Variants in CERT1 observed in about 807,000 individuals in gnomAD.
The protein encoded by CERT1 is ceramide transporter 1, also known as ceramide transfer protein.
A neutral mutation model predicts 87.9 loss-of-function variants in CERT1; 31 were observed. That is an observed-to-expected ratio of 0.35 (90% CI 0.27 to 0.48). CERT1 has a LOEUF of 0.48. CERT1 is among the 20% of genes least tolerant of loss of function. The pLI, the probability that CERT1 is intolerant of heterozygous loss-of-function variation, is 0.99. For missense variants in CERT1, 487 were observed against 758.0 expected (o/e 0.64, Z 4.20); for synonymous variants, 289 against 250.9 (o/e 1.15, Z -1.44).
chr5:75,430,037 G>A (rs73763100), intron 3 of CERT1, among the ~76,000 whole-genome samples: 11,956 of 150,694 alleles, frequency 0.079, 568 homozygotes, highest in South Asian at 0.17. Context: ...AAAAAAAAAA[G>A]AAAGAGGATG....
At chr5:75,386,971 G>A (rs879745971) in intron 12 of CERT1, among the ~76,000 whole-genome samples, 9 of 152,128 alleles carry the variant, frequency 5.9e-5, no homozygotes, top group Non-Finnish European at 1.3e-4. Context: ...AGGTTCAAGC[G>A]ATTCTCCTGT....
intron 3 of CERT1, among the ~76,000 whole-genome samples, chr5:75,456,946 GA>G (rs1318021353): frequency 2.6e-5 from 4 of 151,992 alleles, no homozygotes; most frequent in Non-Finnish European, 4.4e-5. Context: ...ACTTAACAGA[GA>G]AAAGTGAGCA....
intron 7 of CERT1, among the ~76,000 whole-genome samples, chr5:75,414,426 A>G (rs1329515358): frequency 6.6e-6 from 1 of 152,230 alleles, no homozygotes; most frequent in Non-Finnish European, 1.5e-5. Flanking sequence ...TGAATAAAAC[A>G]AAAATGCACA....
downstream of CERT1, chr5:75,376,743 A>G (rs1054915026): frequency 5.3e-5 from 8 of 152,332 alleles, no homozygotes; most frequent in African/African-American, 1.9e-4. Context: ...AACCTATTTA[A>G]TATTTTCAAA....
intron 2 of CERT1, among the ~76,000 whole-genome samples, chr5:75,499,771 T>A (rs1767257208): frequency 1.3e-5 from 2 of 152,182 alleles, no homozygotes; most frequent in Admixed American, 1.3e-4. Context: ...GCACCACATA[T>A]ACAATTTTCT....
intron 8 of CERT1, among the ~76,000 whole-genome samples, chr5:75,407,176 G>A (rs1031152265): frequency 2.6e-5 from 4 of 152,056 alleles, no homozygotes; most frequent in Non-Finnish European, 5.9e-5. Context: ...AGAGTAAAGT[G>A]CATTTCAAAT....
At chr5:75,439,100 T>C (rs1422749384) in intron 3 of CERT1, among the ~76,000 whole-genome samples, 3 of 151,946 alleles carry the variant, frequency 2.0e-5, no homozygotes, top group African/African-American at 7.2e-5. Context: ...CCTTTATGCT[T>C]TAGACTTTGA....
chr5:75,507,720 A>G (rs980787143), intron 1 of CERT1, among the ~76,000 whole-genome samples: 7 of 152,242 alleles, frequency 4.6e-5, no homozygotes, highest in African/African-American at 1.7e-4. Context: ...ACTATTTTAT[A>G]ACTCATGTGA....
intron 10 of CERT1, 91 bp downstream of exon 10, chr5:75,400,114 G>C (rs142634093): frequency 0.021 from 19,642 of 949,270 alleles, 266 homozygotes; most frequent in Non-Finnish European, 0.027. Flanking sequence ...TCTGGTGACA[G>C]AGTGAGACTC....
In CERT1 at chr5:75,485,575, T is replaced by C. The variant is rs544064853; in HGVS notation, c.231+20407A>G. 3.9e-5 allele frequency among the ~76,000 whole-genome samples: 6 copies of C among 152,048 alleles called. No individual in the cohort carries two copies. The South Asian group carries it at 6.2e-4, about 16-fold the overall frequency. ...TACAAAAGATCAATGAAATGAAAAG[T>C]TGGTTTTTTGAAAAGATAAACAAAA... On this transcript the variant is annotated intron_variant, in intron 2 of 16. Transcript: ENST00000643780.
At chr5:75,373,965 A>C, downstream of CERT1, 1 of 397,492 alleles carries the variant, frequency 2.5e-6, no homozygotes, top group Non-Finnish European at 4.4e-6. Context: ...ATATACATGT[A>C]ATTTTACATG....
At chr5:75,406,130 T>G (rs562170385) in intron 8 of CERT1, among the ~76,000 whole-genome samples, 1 of 152,250 alleles carries the variant, frequency 6.6e-6, no homozygotes, top group Non-Finnish European at 1.5e-5. Context: ...TAAAACCTAT[T>G]GTCTCAGGAT....
Position 75,427,792 on chromosome 5 carries a change from G to T in CERT1, c.349-1314C>A, listed in dbSNP as rs570891037. On this transcript the variant is annotated intron_variant, in intron 3 of 16. Coordinates refer to ENST00000643780, the MANE Select transcript of CERT1 (RefSeq NM_001379029.1). ...TTTGAATGGTGAAAACAAACCTGTAGGTTTAGTAAACATCAATTTTTTTTT... is the reference window on the plus strand; with the variant it reads ...TTTGAATGGTGAAAACAAACCTGTATGTTTAGTAAACATCAATTTTTTTTT... 3.9e-5 allele frequency among the ~76,000 whole-genome samples: 6 copies of T among 152,060 alleles called. No individual in the cohort carries two copies. The South Asian group carries it at 6.2e-4, about 16-fold the overall frequency.
At chr5:75,507,786 C>T (rs939431070) in intron 1 of CERT1, among the ~76,000 whole-genome samples, 4 of 152,102 alleles carry the variant, frequency 2.6e-5, no homozygotes, top group Non-Finnish European at 5.9e-5. Flanking sequence ...TGTTGACTGA[C>T]GGCCGAATAA....
intron 3 of CERT1, among the ~76,000 whole-genome samples, chr5:75,452,997 G>A (rs980898569): frequency 2.0e-5 from 3 of 152,076 alleles, no homozygotes; most frequent in African/African-American, 7.2e-5. Context: ...TATAATTTTT[G>A]AATTTAAGAA....
intron 2 of CERT1, among the ~76,000 whole-genome samples, chr5:75,481,735 C>T (rs1766256921): frequency 6.6e-6 from 1 of 152,088 alleles, no homozygotes; most frequent in South Asian, 2.1e-4. Context: ...GATGTATCTG[C>T]TTGATTAGTT....
chr5:75,511,786 A>G, upstream of CERT1: 1 of 1,551,454 alleles, frequency 6.4e-7, no homozygotes, highest in Non-Finnish European at 8.7e-7. Context: ...GACGACGGGT[A>G]GAAAAGCAGG....
intron 6 of CERT1, among the ~76,000 whole-genome samples, chr5:75,417,542 T>C (rs1055819252): frequency 1.3e-5 from 2 of 152,194 alleles, no homozygotes; most frequent in Non-Finnish European, 2.9e-5. Context: ...GGTTAGCTTT[T>C]GAATTAAACA....
chr5:75,509,418 C>T (rs1358362477), intron 1 of CERT1, among the ~76,000 whole-genome samples: 3 of 152,034 alleles, frequency 2.0e-5, no homozygotes, highest in Non-Finnish European at 4.4e-5. Context: ...GGAAAATTTC[C>T]TTCATAGCTT....
Sources: gnomAD v4.1 joint callset for allele counts (sites outside exome capture counted in the v4.1 genomes callset) on GRCh38, gnomAD v4.1.1 for gene constraint, MANE v1.5 for transcripts, NCBI Gene and HGNC (gene_info 2026-07-23, HGNC 2026-07-21) for gene names.